The following BTG4 variants were observed in gnomAD, a reference collection of about 807,000 sequenced individuals.
BTG4 encodes the protein BTG anti-proliferation factor 4.
Under a neutral mutation model 19.3 loss-of-function variants are expected in BTG4, and 10 were observed. That is an observed-to-expected ratio of 0.52 (90% CI 0.32 to 0.88). The LOEUF (loss-of-function observed/expected upper bound fraction) is 0.88. Among genes scored for constraint, BTG4 ranks in the 40% least tolerant of loss-of-function variants. The pLI is 0.04. For missense variants in BTG4, 238 were observed against 281.9 expected, an observed-to-expected ratio of 0.84 and a Z score of 1.11; for synonymous variants, 91 against 95.7, an observed-to-expected ratio of 0.95 and a Z score of 0.29.
At chr11:111,489,811 G>A (rs943031223) in intron 5 of BTG4, among the ~76,000 whole-genome samples, 1 of 152,088 alleles carries the variant, frequency 6.6e-6, no homozygotes, top group African/African-American at 2.4e-5. Flanking sequence ...TGAACCCATG[G>A]AAATAGAGTA....
At chr11:111,468,597 G>C (rs1203482212) in intron 5 of BTG4, among the ~76,000 whole-genome samples, 1 of 152,182 alleles carries the variant, frequency 6.6e-6, no homozygotes, top group Non-Finnish European at 1.5e-5. Flanking sequence ...GTTTTTTCAT[G>C]CCAACCTACT....
chr11:111,470,570 T>C (rs1411623332), intron 5 of BTG4, among the ~76,000 whole-genome samples: 2 of 152,164 alleles, frequency 1.3e-5, no homozygotes, highest in African/African-American at 4.8e-5. Context: ...TTACCCAAAC[T>C]TATGGTGTGC....
chr11:111,486,513 G>A (rs976906043), intron 5 of BTG4, among the ~76,000 whole-genome samples: 1 of 152,074 alleles, frequency 6.6e-6, no homozygotes, highest in East Asian at 1.9e-4. Flanking sequence ...TGAGCAGAAG[G>A]TAATACTTCC....
At chr11:111,494,085 G>C (rs551837134), downstream of BTG4, among the ~76,000 whole-genome samples, 1 of 152,308 alleles carries the variant, frequency 6.6e-6, no homozygotes, top group African/African-American at 2.4e-5. Context: ...AGAAAACCAA[G>C]ATGTAGGGAG....
chr11:111,506,357 A>G (rs1212349577), intron 1 of BTG4, among the ~76,000 whole-genome samples: 1 of 152,140 alleles, frequency 6.6e-6, no homozygotes, highest in Non-Finnish European at 1.5e-5. Context: ...GGAGGCCATT[A>G]CCCAAAGTCA....
chr11:111,486,834 G>C (rs1490506197), intron 5 of BTG4, among the ~76,000 whole-genome samples: 1 of 152,068 alleles, frequency 6.6e-6, no homozygotes, highest in East Asian at 1.9e-4. Context: ...TTTATTTCAA[G>C]TTTGGTGATA....
At chr11:111,438,834 C>A in the BTG4 span, among the ~76,000 whole-genome samples, 8 of 152,286 alleles carry the variant, frequency 5.3e-5, no homozygotes, top group Non-Finnish European at 1.0e-4. Flanking sequence ...GATATGTGAA[C>A]CTCCCCCGTC....
intron 5 of BTG4, among the ~76,000 whole-genome samples, chr11:111,480,527 C>A (rs1441015592): frequency 6.6e-6 from 1 of 151,988 alleles, no homozygotes; most frequent in East Asian, 1.9e-4. Context: ...CAAGTGCCCA[C>A]AGGATATGCA....
At chr11:111,431,042 C>A in the BTG4 span, among the ~76,000 whole-genome samples, 1 of 151,776 alleles carries the variant, frequency 6.6e-6, no homozygotes, top group Non-Finnish European at 1.5e-5. Flanking sequence ...TTCTATGCCC[C>A]CATAGTGCCT....
chr11:111,469,834 G>C (rs966023956), intron 5 of BTG4: 1 of 152,676 alleles, frequency 6.5e-6, no homozygotes, highest in South Asian at 2.1e-4. Flanking sequence ...CACTGAGAAT[G>C]GCAGCAGTTT....
the BTG4 span, among the ~76,000 whole-genome samples, chr11:111,429,040 G>A: frequency 6.6e-6 from 1 of 152,138 alleles, no homozygotes; most frequent in Non-Finnish European, 1.5e-5. Context: ...TTCTTAAATT[G>A]AGGTAAAAAT....
At chr11:111,437,669 C>T in the BTG4 span, among the ~76,000 whole-genome samples, 1 of 152,118 alleles carries the variant, frequency 6.6e-6, no homozygotes, top group Non-Finnish European at 1.5e-5. Flanking sequence ...TGCCTAGACC[C>T]CCACCTGTAT....
chr11:111,503,640 T>C (rs1181960385), intron 1 of BTG4, among the ~76,000 whole-genome samples: 1 of 152,050 alleles, frequency 6.6e-6, no homozygotes, highest in African/African-American at 2.4e-5. Flanking sequence ...AAATAAGAGG[T>C]TCTGGCCATT....
In BTG4 at chr11:111,495,033, AT is replaced by A. The variant is rs1004238019; in HGVS notation, c.*101del. 2 of 1,366,332 alleles carry A rather than the reference AT, an allele frequency of 1.5e-6. No homozygotes were observed. The highest frequency in any genetic ancestry group is 9.4e-7 in the Non-Finnish European group (1 of 1,062,602). The allele number at this position is 1,366,332 out of a possible 1,614,324, so 84.6% of individuals were successfully genotyped here. Reference sequence around the variant, plus strand: ...GTGTACCCTAGTCCCTAATATGGTCATTTTTTGTTTCATGGGCCTCTCAACC... The same window carrying A: ...GTGTACCCTAGTCCCTAATATGGTCATTTTTGTTTCATGGGCCTCTCAACC... On this transcript the variant is annotated 3_prime_UTR_variant, in exon 5 of 5. Transcript: ENST00000692032.
chr11:111,469,024 G>C (rs1456931545), intron 5 of BTG4, among the ~76,000 whole-genome samples: 2 of 152,224 alleles, frequency 1.3e-5, no homozygotes, highest in Non-Finnish European at 2.9e-5. Flanking sequence ...CTTATTCAGA[G>C]AGTTGAACTC....
chr11:111,411,550 A>G, the BTG4 span, among the ~76,000 whole-genome samples: 8,623 of 152,198 alleles, frequency 0.057, 308 homozygotes, highest in Admixed American at 0.077. Context: ...CTTTTCCTTC[A>G]TATCATGGAC....
At chr11:111,441,805 T>C in the BTG4 span, among the ~76,000 whole-genome samples, 2 of 152,186 alleles carry the variant, frequency 1.3e-5, no homozygotes, top group African/African-American at 4.8e-5. Context: ...ACGCCTGTAA[T>C]CCCAGCACCT....
At chr11:111,401,212 C>A in the BTG4 span, among the ~76,000 whole-genome samples, 7 of 152,086 alleles carry the variant, frequency 4.6e-5, no homozygotes, top group Admixed American at 2.0e-4. Context: ...TGGGGCCAGG[C>A]GCAGTGGCTC....
intron 1 of BTG4, among the ~76,000 whole-genome samples, chr11:111,509,278 G>A (rs1205375812): frequency 6.6e-6 from 1 of 152,044 alleles, no homozygotes; most frequent in Admixed American, 6.6e-5. Context: ...ATTTAGTCTT[G>A]CTTCAACATA....
Sources: gnomAD v4.1 joint callset for allele counts (sites outside exome capture counted in the v4.1 genomes callset) on GRCh38, gnomAD v4.1.1 for gene constraint, MANE v1.5 for transcripts, NCBI Gene and HGNC (gene_info 2026-07-23, HGNC 2026-07-21) for gene names.